Variants in FAM133B observed in about 807,000 individuals in gnomAD.
FAM133B encodes the protein family with sequence similarity 133 member B.
Under a neutral mutation model 46.4 loss-of-function variants are expected in FAM133B, and 25 were observed. The observed-to-expected ratio is 0.54, with a 90% CI of 0.39 to 0.75. The LOEUF (loss-of-function observed/expected upper bound fraction) is 0.75. Among genes scored for constraint, FAM133B ranks in the 30% least tolerant of loss-of-function variants. The pLI, the probability that FAM133B is intolerant of heterozygous loss-of-function variation, is 0.00. For missense variants in FAM133B, 205 were observed against 277.6 expected, an observed-to-expected ratio of 0.74 and a Z score of 1.86; for synonymous variants, 75 against 86.0, an observed-to-expected ratio of 0.87 and a Z score of 0.71.
At chr7:92,578,261 T>A in intron 4 of FAM133B, 58 bp downstream of exon 4, 2 of 1,602,108 alleles carry the variant, frequency 1.2e-6, no homozygotes, top group Non-Finnish European at 1.7e-6. Context: ...GTATACAGCA[T>A]TATTATGAAA....
intron 1 of FAM133B, among the ~76,000 whole-genome samples, chr7:92,583,379 A>G (rs183732761): frequency 2.6e-5 from 4 of 152,342 alleles, no homozygotes; most frequent in Non-Finnish European, 5.9e-5. Flanking sequence ...GAAAATGGAT[A>G]GTGATGATGG....
chr7:92,577,970 T>C (rs1211966095), intron 5 of FAM133B, 180 bp downstream of exon 5: 1 of 674,500 alleles, frequency 1.5e-6, no homozygotes, highest in Non-Finnish European at 2.5e-6. Context: ...ATAAGGTGGT[T>C]GGCACCGTTT....
intron 1 of FAM133B, among the ~76,000 whole-genome samples, chr7:92,582,459 C>A (rs951414430): frequency 1.3e-5 from 2 of 151,890 alleles, no homozygotes; most frequent in Non-Finnish European, 2.9e-5. Context: ...TAGTTAACAT[C>A]AAAAATTGTA....
chr7:92,564,446 C>T (rs1458571520), intron 10 of FAM133B, among the ~76,000 whole-genome samples: 1 of 152,168 alleles, frequency 6.6e-6, no homozygotes, highest in Non-Finnish European at 1.5e-5. Flanking sequence ...TATGCAAATA[C>T]TTATTTGGTT....
intron 3 of FAM133B, among the ~76,000 whole-genome samples, chr7:92,578,907 G>C (rs1055051750): frequency 6.6e-6 from 1 of 151,910 alleles, no homozygotes; most frequent in Non-Finnish European, 1.5e-5. Context: ...AAATTAGCTG[G>C]GCATAGTGGC....
Position 92,581,610 on chromosome 7 carries a change from GA to G in FAM133B, c.25-8del. On this transcript the variant is annotated splice_region_variant and splice_polypyrimidine_tract_variant and intron_variant, in intron 1 of 10. Coordinates refer to ENST00000445716, the MANE Select transcript of FAM133B (RefSeq NM_152789.4). ...CTATTGGGTTCATATAGGCCTTGGG[GA>G]AAGAACAACAATTAATCCATTAAAG... The G allele has an allele frequency of 6.2e-7, 1 of 1,610,180 alleles. No individual in the cohort carries two copies.
At chr7:92,575,241 C>T (rs980005550) in intron 8 of FAM133B, among the ~76,000 whole-genome samples, 4 of 152,198 alleles carry the variant, frequency 2.6e-5, no homozygotes, top group African/African-American at 9.6e-5. Flanking sequence ...ACGGAGAGGC[C>T]GAGGCAGGCG....
intron 7 of FAM133B, 56 bp from the exon 8 acceptor site, chr7:92,575,877 A>G: frequency 2.4e-6 from 2 of 821,908 alleles, no homozygotes; most frequent in South Asian, 1.7e-5. Context: ...GCATTACAGA[A>G]CAAGGACAAA....
intron 1 of FAM133B, among the ~76,000 whole-genome samples, chr7:92,587,070 G>C (rs1238982181): frequency 6.6e-6 from 1 of 152,054 alleles, no homozygotes; most frequent in African/African-American, 2.4e-5. Context: ...TGGTAGAGCT[G>C]CACAAGTGTG....
chr7:92,579,737 A>G (rs1012424061), intron 2 of FAM133B, among the ~76,000 whole-genome samples: 1 of 152,228 alleles, frequency 6.6e-6, no homozygotes, highest in African/African-American at 2.4e-5. Context: ...AGATAAAGAA[A>G]CTGAAGCTTG....
At chr7:92,585,357 T>A in intron 1 of FAM133B, 1 of 984,662 alleles carries the variant, frequency 1.0e-6, no homozygotes, top group Non-Finnish European at 1.2e-6. Flanking sequence ...ATTGATCACA[T>A]TCTAATTTCC....
chr7:92,565,849 T>C, intron 10 of FAM133B, 165 bp downstream of exon 10: 1 of 650,130 alleles, frequency 1.5e-6, no homozygotes, highest in Non-Finnish European at 2.7e-6. Flanking sequence ...CCTGAACCAT[T>C]TTGACTTTCT....
chr7:92,564,807 A>T (rs1228416106), intron 10 of FAM133B, among the ~76,000 whole-genome samples: 1 of 152,204 alleles, frequency 6.6e-6, no homozygotes, highest in East Asian at 1.9e-4. Context: ...CTTTGAAAAT[A>T]ATCTCTGTTA....
chr7:92,580,583 C>T (rs190891761), intron 2 of FAM133B, among the ~76,000 whole-genome samples: 7 of 152,340 alleles, frequency 4.6e-5, no homozygotes, highest in South Asian at 2.1e-4. Flanking sequence ...AAGCCTGTTC[C>T]GGGACTTACC....
At chr7:92,578,531 A>G (rs574127693) in intron 3 of FAM133B, 138 bp from the exon 4 acceptor site, 1 of 763,104 alleles carries the variant, frequency 1.3e-6, no homozygotes, top group African/African-American at 1.7e-5. Context: ...CAGTCAAAAG[A>G]AACACAGGTG....
At chr7:92,578,863 T>C (rs184954622) in intron 3 of FAM133B, among the ~76,000 whole-genome samples, 23 of 151,994 alleles carry the variant, frequency 1.5e-4, no homozygotes, top group Admixed American at 1.3e-3. Flanking sequence ...CTGGGCAACA[T>C]AGTGAGAACC....
rs777393575 is a variant in FAM133B at position 92,588,280 on chromosome 7, G to A, written c.24+1988C>T. On this transcript the variant is annotated intron_variant, in intron 1 of 10. Transcript: ENST00000445716. ...TTTGGTAAGTTTTTCAAATGTTTTA[G>A]AGGAATGTTTCAACCAAAACGTTTT... Among the ~76,000 whole-genome samples the A allele has an allele frequency of 3.8e-4, 58 of 152,286 alleles. 2 individuals are homozygous for A. Among genetic ancestry groups the A allele is most frequent in the South Asian group, 2.1e-4 (1 of 4,828 alleles).
intron 10 of FAM133B, among the ~76,000 whole-genome samples, chr7:92,563,193 C>T (rs967013710): frequency 2.6e-5 from 4 of 152,174 alleles, no homozygotes; most frequent in African/African-American, 9.6e-5. Context: ...AACAGCAGAG[C>T]TTCCTATCCA....
rs139069427 is a variant in FAM133B at position 92,587,731 on chromosome 7, CTAAA to C, written c.24+2533_24+2536del. Among the ~76,000 whole-genome samples the C allele has an allele frequency of 6.2e-3, 941 of 152,070 alleles. 4 individuals carry two copies. Among genetic ancestry groups the C allele is most frequent in the Middle Eastern group, 0.017 (5 of 294 alleles). On this transcript the variant is annotated intron_variant, in intron 1 of 10. Transcript: ENST00000445716. The stretch of plus-strand genomic sequence containing the variant: ...CTTGGGCAAGAGTGAGATACTGTGT[CTAAA>C]TAAATAAATAAATAAATTTATTTGT...
Sources: gnomAD v4.1 joint callset for allele counts (sites outside exome capture counted in the v4.1 genomes callset) on GRCh38, gnomAD v4.1.1 for gene constraint, MANE v1.5 for transcripts, NCBI Gene and HGNC (gene_info 2026-07-23, HGNC 2026-07-21) for gene names.